Variants in STPG2 observed in about 807,000 individuals in gnomAD.
The protein encoded by STPG2 is sperm-tail PG-rich repeat-containing protein 2.
In STPG2, 56 loss-of-function variants were observed where a neutral mutation model predicts 54.2. The observed-to-expected ratio is 1.03, with a 90% CI of 0.83 to 1.29. STPG2 has a LOEUF of 1.29. Among genes scored for constraint, STPG2 ranks in the 50% most tolerant of loss-of-function variants. STPG2 has a pLI of 0.00. For missense variants in STPG2, 596 were observed against 544.9 expected (o/e 1.09, Z -0.93); for synonymous variants, 200 against 181.8 (o/e 1.10, Z -0.81).
At chr4:97,706,228 C>T (rs987848317) in intron 10 of STPG2, among the ~76,000 whole-genome samples, 2 of 152,120 alleles carry the variant, frequency 1.3e-5, no homozygotes, top group African/African-American at 4.8e-5. Flanking sequence ...ATATACTCAG[C>T]ACCCCTCTGC....
chr4:97,541,780 C>T (rs1002373164), intron 4 of STPG2, among the ~76,000 whole-genome samples: 6 of 152,060 alleles, frequency 3.9e-5, no homozygotes, highest in African/African-American at 1.2e-4. Context: ...GAGATATAGA[C>T]CAATGGAACA....
At chr4:97,632,623 AAT>A (rs1329080081) in intron 10 of STPG2, among the ~76,000 whole-genome samples, 1 of 152,148 alleles carries the variant, frequency 6.6e-6, no homozygotes. Flanking sequence ...CACAGATATC[AAT>A]ATGCTTTATA....
intron 9 of STPG2, among the ~76,000 whole-genome samples, chr4:97,717,206 C>T (rs117984605): frequency 1.3e-3 from 198 of 152,214 alleles, no homozygotes; most frequent in Middle Eastern, 0.01. Flanking sequence ...CAATACTACA[C>T]GAATTTTAAA....
At chr4:97,888,848 T>A (rs1273695260) in intron 8 of STPG2, among the ~76,000 whole-genome samples, 1 of 152,186 alleles carries the variant, frequency 6.6e-6, no homozygotes, top group Non-Finnish European at 1.5e-5. Flanking sequence ...AGGAGGTGAC[T>A]GGATCATTGG....
chr4:97,617,563 A>G (rs1733907318), intron 10 of STPG2, among the ~76,000 whole-genome samples: 2 of 152,152 alleles, frequency 1.3e-5, no homozygotes, highest in South Asian at 2.1e-4. Context: ...CAGAGATTCA[A>G]GGGTTAAGCA....
At chr4:97,776,496 T>C (rs1011254282) in intron 9 of STPG2, among the ~76,000 whole-genome samples, 1 of 152,208 alleles carries the variant, frequency 6.6e-6, no homozygotes. Context: ...GAAATAAATA[T>C]TCTTTAACCT....
rs1733876042 is a variant in STPG2 at position 97,616,441 on chromosome 4, T to C, written c.1321-57324A>G. Among the ~76,000 whole-genome samples the C allele has an allele frequency of 3.9e-5, 6 of 152,176 alleles. 1 individual carries two copies. In the South Asian group the frequency reaches 8.3e-4, roughly 21 times the overall value. Reference sequence around the variant, plus strand: ...CAAAGTAGCACTAGAACTGTAACTATTCACAACAGATTTTGAAAAATAACA... The same window carrying C: ...CAAAGTAGCACTAGAACTGTAACTACTCACAACAGATTTTGAAAAATAACA... On this transcript the variant is annotated intron_variant, in intron 10 of 10. Transcript: ENST00000295268.
At chr4:98,033,875 G>A (rs1258260097) in intron 5 of STPG2, among the ~76,000 whole-genome samples, 5 of 152,128 alleles carry the variant, frequency 3.3e-5, no homozygotes, top group Non-Finnish European at 7.3e-5. Context: ...AATAGATGCA[G>A]AAAAGGCCTT....
chr4:97,861,676 G>T lies in STPG2; in HGVS notation c.1045-20744C>A, dbSNP rs148600970. Among the ~76,000 whole-genome samples the T allele has an allele frequency of 4.8e-3, 732 of 152,204 alleles. 5 individuals are homozygous for T. The highest frequency in any genetic ancestry group is 0.017 in the Middle Eastern group (5 of 294). ...AATGTTAAGGGCAGCCAGAGAGAAA[G>T]GTCGGGTTACCCACAAAGAGAAGCC... On this transcript the variant is annotated intron_variant, in intron 8 of 10. Transcript: ENST00000295268.
At chr4:97,539,200 C>T (rs941949779) in intron 4 of STPG2, among the ~76,000 whole-genome samples, 3 of 152,172 alleles carry the variant, frequency 2.0e-5, no homozygotes, top group Non-Finnish European at 2.9e-5. Flanking sequence ...CAATATTAAC[C>T]TTAAATGTAA....
chr4:98,071,565 G>C (rs1411217817), intron 5 of STPG2, among the ~76,000 whole-genome samples: 1 of 152,074 alleles, frequency 6.6e-6, no homozygotes, highest in Non-Finnish European at 1.5e-5. Flanking sequence ...TTGACAAGTG[G>C]GATCTAATTA....
intron 4 of STPG2, among the ~76,000 whole-genome samples, chr4:97,507,508 A>C (rs1252464162): frequency 6.6e-6 from 1 of 152,078 alleles, no homozygotes; most frequent in Non-Finnish European, 1.5e-5. Flanking sequence ...CAATTCCAGC[A>C]CTAACTAGCC....
At chr4:97,782,767 A>G (rs1726690047) in intron 9 of STPG2, among the ~76,000 whole-genome samples, 1 of 152,226 alleles carries the variant, frequency 6.6e-6, no homozygotes, top group African/African-American at 2.4e-5. Flanking sequence ...GCCATCAGAA[A>G]TAATATCACA....
intron 5 of STPG2, among the ~76,000 whole-genome samples, chr4:98,084,929 C>T (rs1243840270): frequency 6.6e-6 from 1 of 152,028 alleles, no homozygotes; most frequent in Non-Finnish European, 1.5e-5. Flanking sequence ...AATAATGACT[C>T]AATGAGCATA....
chr4:97,831,718 A>G (rs1728469953), intron 9 of STPG2, among the ~76,000 whole-genome samples: 1 of 152,206 alleles, frequency 6.6e-6, no homozygotes, highest in Admixed American at 6.5e-5. Context: ...AATACAAACT[A>G]CCATCAGAGA....
intron 9 of STPG2, among the ~76,000 whole-genome samples, chr4:97,819,070 T>G (rs936811743): frequency 6.6e-6 from 1 of 151,150 alleles, no homozygotes; most frequent in African/African-American, 2.4e-5. Context: ...ATAATAAAAT[T>G]TCTATCATTT....
chr4:98,058,183 T>C (rs985150821), intron 5 of STPG2, among the ~76,000 whole-genome samples: 15 of 152,150 alleles, frequency 9.9e-5, no homozygotes, highest in Admixed American at 3.9e-4. Context: ...GCTAACATCA[T>C]GATGGCAGGA....
At chr4:97,810,737 AT>A (rs767636153) in intron 9 of STPG2, among the ~76,000 whole-genome samples, 14 of 152,174 alleles carry the variant, frequency 9.2e-5, no homozygotes, top group Non-Finnish European at 2.1e-4. Flanking sequence ...ATATACTGGG[AT>A]AAAGGCCATA....
chr4:98,032,253 A>G (rs1578798570), intron 5 of STPG2, among the ~76,000 whole-genome samples: 1 of 152,148 alleles, frequency 6.6e-6, no homozygotes, highest in East Asian at 1.9e-4. Flanking sequence ...TACAAAAAAG[A>G]TACTTGCACA....
Sources: gnomAD v4.1 joint callset for allele counts (sites outside exome capture counted in the v4.1 genomes callset) on GRCh38, gnomAD v4.1.1 for gene constraint, MANE v1.5 for transcripts, NCBI Gene and HGNC (gene_info 2026-07-23, HGNC 2026-07-21) for gene names.